LMNTD1: variants seen among roughly 807,000 people sequenced by gnomAD.
The protein encoded by LMNTD1 is lamin tail domain-containing protein 1.
LMNTD1 carries 35 observed loss-of-function variants against 50.9 expected under a neutral mutation model. That is an observed-to-expected ratio of 0.69 (90% CI 0.53 to 0.91). The LOEUF is 0.91. Among genes scored for constraint, LMNTD1 ranks in the 40% least tolerant of loss-of-function variants. The pLI, the probability that LMNTD1 is intolerant of heterozygous loss-of-function variation, is 0.00. For synonymous variants in LMNTD1, 153 were observed against 161.9 expected, an observed-to-expected ratio of 0.94 and a Z score of 0.42; for missense variants, 470 against 475.5, an observed-to-expected ratio of 0.99 and a Z score of 0.11.
intron 8 of LMNTD1, among the ~76,000 whole-genome samples, chr12:25,505,642 C>CCAATT (rs1939709011): frequency 6.6e-6 from 1 of 151,668 alleles, no homozygotes; most frequent in South Asian, 2.1e-4. Flanking sequence ...ATAAAAGTTT[C>CCAATT]TTTTGGAAAA....
At chr12:25,498,983 T>C (rs115279587) in intron 9 of LMNTD1, among the ~76,000 whole-genome samples, 288 of 152,302 alleles carry the variant, frequency 1.9e-3, no homozygotes, top group African/African-American at 6.7e-3. Flanking sequence ...TCAGAGTCTT[T>C]CCATTCATAT....
intron 1 of LMNTD1, among the ~76,000 whole-genome samples, chr12:25,578,679 AT>A (rs1255524169): frequency 6.6e-6 from 1 of 152,150 alleles, no homozygotes; most frequent in Non-Finnish European, 1.5e-5. Flanking sequence ...TCAGCATTGA[AT>A]TTTTATGTGC....
At chr12:25,587,357 T>C (rs984303976) in intron 1 of LMNTD1, among the ~76,000 whole-genome samples, 3 of 152,228 alleles carry the variant, frequency 2.0e-5, no homozygotes, top group African/African-American at 7.2e-5. Flanking sequence ...GGAAGCATGG[T>C]GCCAGTATCT....
At chr12:25,587,397 T>A (rs1945562876) in intron 1 of LMNTD1, among the ~76,000 whole-genome samples, 1 of 152,280 alleles carries the variant, frequency 6.6e-6, no homozygotes, top group South Asian at 2.1e-4. Context: ...CTCAGGGAGC[T>A]TTTGCTCACA....
At chr12:25,582,079 C>A (rs1945314490) in intron 1 of LMNTD1, among the ~76,000 whole-genome samples, 1 of 152,224 alleles carries the variant, frequency 6.6e-6, no homozygotes, top group Non-Finnish European at 1.5e-5. Context: ...CCACAGCCAA[C>A]AGGTCTGAAA....
chr12:25,546,139 A>C (rs1269699201), intron 4 of LMNTD1, among the ~76,000 whole-genome samples: 2 of 151,718 alleles, frequency 1.3e-5, no homozygotes, highest in African/African-American at 4.8e-5. Flanking sequence ...AGTAAAGATT[A>C]TGTAGCATTG....
At chr12:25,648,450 C>T (rs150408531) in intron 1 of LMNTD1, 9 of 1,496,254 alleles carry the variant, frequency 6.0e-6, no homozygotes, top group East Asian at 4.9e-5. Flanking sequence ...GGGAAGCCAG[C>T]GAATTGCCTG....
chr12:25,592,195 G>C (rs934917216), intron 1 of LMNTD1, among the ~76,000 whole-genome samples: 3 of 152,166 alleles, frequency 2.0e-5, no homozygotes, highest in Admixed American at 6.5e-5. Flanking sequence ...ATCAGAAGGA[G>C]AGGATCATGG....
chr12:25,589,386 G>A (rs770479652), intron 1 of LMNTD1, among the ~76,000 whole-genome samples: 1 of 152,108 alleles, frequency 6.6e-6, no homozygotes, highest in African/African-American at 2.4e-5. Flanking sequence ...TACAACAGTG[G>A]TAAAACTGCA....
intron 4 of LMNTD1, among the ~76,000 whole-genome samples, chr12:25,538,256 C>T (rs1411124522): frequency 8.2e-6 from 1 of 122,586 alleles, no homozygotes; most frequent in African/African-American, 2.9e-5. Flanking sequence ...CGAGCAACTC[C>T]AAGACACATA....
rs829049 is a variant in LMNTD1 at position 25,552,602 on chromosome 12, C to T, written c.89+269G>A. The stretch of plus-strand genomic sequence containing the variant: ...GTCTGAAAAAAAAAAAAAAAAAAAA[C>T]GGAACTTTGGCTGGAATCTCAGCTA... On this transcript the variant is annotated intron_variant, in intron 2 of 9. Transcript: ENST00000458174. 2.3e-5 allele frequency among the ~76,000 whole-genome samples: 3 copies of T among 131,584 alleles called. 1 individual carries two copies. Among genetic ancestry groups the T allele is most frequent in the East Asian group, 4.5e-4 (2 of 4,470 alleles). 86.3% of individuals were successfully genotyped at this position (131,584 alleles called of 152,430 possible). A position where few individuals can be genotyped will look rare whatever the true frequency, so the allele number is the denominator to read the frequency against.
At chr12:25,583,403 A>G (rs1019725632) in intron 1 of LMNTD1, among the ~76,000 whole-genome samples, 1 of 152,020 alleles carries the variant, frequency 6.6e-6, no homozygotes, top group South Asian at 2.1e-4. Context: ...TGCTGAGCTC[A>G]AGCAATCCTC....
chr12:25,520,355 A>G (rs1204677578), intron 6 of LMNTD1, among the ~76,000 whole-genome samples: 1 of 151,784 alleles, frequency 6.6e-6, no homozygotes, highest in East Asian at 1.9e-4. Context: ...CTGCTACTTT[A>G]TATCCTTTGA....
At chr12:25,630,767 A>T (rs1157304475) in intron 1 of LMNTD1, 1 of 152,456 alleles carries the variant, frequency 6.6e-6, no homozygotes. Context: ...CTTCACAGGG[A>T]GAAGGAAATC....
chr12:25,481,075 T>C (rs1364313787), intron 9 of LMNTD1, among the ~76,000 whole-genome samples: 1 of 150,438 alleles, frequency 6.6e-6, no homozygotes. Context: ...ACAGAGTCTT[T>C]GGGCTTGCCA....
chr12:25,541,574 G>A, intron 4 of LMNTD1, among the ~76,000 whole-genome samples: 3 of 75,054 alleles, frequency 4.0e-5, no homozygotes, highest in African/African-American at 1.2e-4. Context: ...ATCAATTCAA[G>A]ATGGATTAAA....
At chr12:25,571,628 G>T (rs1449595352) in intron 1 of LMNTD1, among the ~76,000 whole-genome samples, 2 of 151,776 alleles carry the variant, frequency 1.3e-5, no homozygotes, top group Non-Finnish European at 2.9e-5. Context: ...CTCCCAAAAT[G>T]CTGGGATTAC....
At chr12:25,525,083 G>A (rs1280743339) in intron 6 of LMNTD1, among the ~76,000 whole-genome samples, 1 of 152,102 alleles carries the variant, frequency 6.6e-6, no homozygotes, top group Non-Finnish European at 1.5e-5. Flanking sequence ...CTGAGGGTAA[G>A]AAAAATCACA....
At chr12:25,628,424 A>T (rs1042581444) in intron 1 of LMNTD1, among the ~76,000 whole-genome samples, 1 of 152,096 alleles carries the variant, frequency 6.6e-6, no homozygotes, top group Non-Finnish European at 1.5e-5. Flanking sequence ...CTGAGCTATG[A>T]TTTTTTTCAT....
Sources: gnomAD v4.1 joint callset for allele counts (sites outside exome capture counted in the v4.1 genomes callset) on GRCh38, gnomAD v4.1.1 for gene constraint, MANE v1.5 for transcripts, NCBI Gene and HGNC (gene_info 2026-07-23, HGNC 2026-07-21) for gene names.